PPFIA2: variants seen among roughly 807,000 people sequenced by gnomAD.
PPFIA2 encodes PPFI scaffold protein A2.
Under a neutral mutation model 175.5 loss-of-function variants are expected in PPFIA2, and 46 were observed. That is an observed-to-expected ratio of 0.26 (90% CI 0.21 to 0.34). The LOEUF is 0.34. Ranked by LOEUF, PPFIA2 falls within the 10% of genes least tolerant of loss-of-function variation. The pLI, the probability that PPFIA2 is intolerant of heterozygous loss-of-function variation, is 1.00. For missense variants in PPFIA2, 1,179 were observed against 1,506.1 expected (o/e 0.78, Z 3.60); for synonymous variants, 568 against 511.4 (o/e 1.11, Z -1.49).
chr12:81,445,223 G>GGGGAGA, intron 6 of PPFIA2, among the ~76,000 whole-genome samples: 1 of 62,774 alleles, frequency 1.6e-5, no homozygotes, highest in African/African-American at 8.1e-5. Flanking sequence ...GGGGGAGGGG[G>GGGGAGA]GAGAGAGAGA....
At chr12:81,404,894 T>A (rs1391395727) in intron 8 of PPFIA2, among the ~76,000 whole-genome samples, 1 of 152,222 alleles carries the variant, frequency 6.6e-6, no homozygotes, top group African/African-American at 2.4e-5. Flanking sequence ...TTTTAGAAAC[T>A]CTTGACATTT....
chr12:81,631,419 A>T (rs938950993), intron 4 of PPFIA2, among the ~76,000 whole-genome samples: 1 of 152,068 alleles, frequency 6.6e-6, no homozygotes, highest in African/African-American at 2.4e-5. Flanking sequence ...GTGAAAATTA[A>T]TTTTTTTGAG....
intron 3 of PPFIA2, among the ~76,000 whole-genome samples, chr12:81,679,371 A>T (rs1347915335): frequency 6.6e-6 from 1 of 151,906 alleles, no homozygotes; most frequent in Non-Finnish European, 1.5e-5. Context: ...TAATGAAGCT[A>T]TCAGAGGGAT....
intron 3 of PPFIA2, among the ~76,000 whole-genome samples, chr12:81,743,876 C>T (rs1226725332): frequency 6.6e-6 from 1 of 152,018 alleles, no homozygotes; most frequent in African/African-American, 2.4e-5. Flanking sequence ...CAACTCTATG[C>T]CATAAGCATA....
chr12:81,477,435 T>G (rs2146528140), intron 4 of PPFIA2, among the ~76,000 whole-genome samples: 1 of 152,244 alleles, frequency 6.6e-6, no homozygotes, highest in Admixed American at 6.5e-5. Context: ...CATTGAATAT[T>G]TTGAAAGTGA....
chr12:81,312,338 A>G, intron 22 of PPFIA2: 1 of 640,784 alleles, frequency 1.6e-6, no homozygotes, highest in South Asian at 2.0e-5. Context: ...CATGACACAC[A>G]TACTCACTGC....
chr12:81,656,080 T>G (rs761468679), intron 4 of PPFIA2, among the ~76,000 whole-genome samples: 6 of 152,076 alleles, frequency 3.9e-5, no homozygotes, highest in Non-Finnish European at 7.4e-5. Flanking sequence ...GCTTTTTAGT[T>G]AGTATTTTAT....
intron 4 of PPFIA2, among the ~76,000 whole-genome samples, chr12:81,551,791 C>G (rs946105754): frequency 6.6e-6 from 1 of 151,762 alleles, no homozygotes; most frequent in South Asian, 2.1e-4. Flanking sequence ...ATTTATGTAT[C>G]CTTTTACGAC....
intron 23 of PPFIA2, chr12:81,298,023 A>G (rs1353514630): frequency 6.6e-6 from 1 of 152,194 alleles, no homozygotes; most frequent in African/African-American, 2.4e-5. Flanking sequence ...CTATCACCTT[A>G]ATGTCAGTAA....
At position 81,610,414 on chromosome 12, in the gene PPFIA2, A is replaced by G. The variant is rs568998144; in HGVS notation, c.303+66377T>C. On this transcript the variant is annotated intron_variant, in intron 4 of 32. Coordinates refer to ENST00000549396, the MANE Select transcript of PPFIA2 (RefSeq NM_003625.5). ...ATTTATTCTCTTTACATAATCCCAT[A>G]TTTCATAGAGGTTTTGTTCATTTTT... Among the ~76,000 whole-genome samples, 16 of 152,186 alleles carry G rather than the reference A, an allele frequency of 1.1e-4. No homozygotes were observed. The South Asian group carries it at 3.3e-3, about 32-fold the overall frequency.
chr12:81,531,592 C>A (rs146037811), intron 4 of PPFIA2, among the ~76,000 whole-genome samples: 1 of 151,018 alleles, frequency 6.6e-6, no homozygotes, highest in Admixed American at 6.6e-5. Flanking sequence ...TAATTAATAA[C>A]GAATAAGTGA....
intron 7 of PPFIA2, among the ~76,000 whole-genome samples, chr12:81,409,546 C>T (rs763072895): frequency 6.6e-6 from 1 of 152,080 alleles, no homozygotes; most frequent in Non-Finnish European, 1.5e-5. Context: ...CCTTCCATCC[C>T]TCTACTATGG....
chr12:81,719,967 CATTCT>C (rs1435795213), intron 3 of PPFIA2, among the ~76,000 whole-genome samples: 1 of 151,114 alleles, frequency 6.6e-6, no homozygotes, highest in Non-Finnish European at 1.5e-5. Flanking sequence ...AAATTATATC[CATTCT>C]ATCTGTATTT....
rs201948532 is a variant in PPFIA2 at position 81,574,036 on chromosome 12, AC to A, written c.303+102754del. ...AGATCTGAGATCATAATTTTGGCTT[AC>A]AACTAGACAGATGGTACTCAATTAC... On this transcript the variant is annotated intron_variant, in intron 4 of 32. Coordinates refer to ENST00000549396, the MANE Select transcript of PPFIA2 (RefSeq NM_003625.5). 3.9e-4 allele frequency among the ~76,000 whole-genome samples: 60 copies of A among 152,082 alleles called. No homozygotes were observed. In the East Asian group the frequency reaches 0.01, roughly 26 times the overall value.
chr12:81,384,232 C>A lies in PPFIA2; in HGVS notation c.775G>T (p.Gly259Cys). The A allele has an allele frequency of 1.3e-6, 2 of 1,574,804 alleles. No individual in the cohort carries two copies. The highest frequency in any genetic ancestry group is 1.7e-6 in the Non-Finnish European group (2 of 1,156,200). ...QKVHEKRLSN[G>C]SIDSTDETSQ... Reference sequence around the variant, plus strand: ...GTTTCATCGGTTGAGTCTATAGAACCATTGGACAAACGCTGCAGAAATAGA... The same window carrying A: ...GTTTCATCGGTTGAGTCTATAGAACAATTGGACAAACGCTGCAGAAATAGA... The change falls in exon 9 of 33, where the codon GGT becomes TGT. Residue 259 changes from glycine (G) to cysteine (C), a missense_variant. Transcript: ENST00000549396.
chr12:81,364,593 C>T (rs1474036888), intron 14 of PPFIA2, among the ~76,000 whole-genome samples: 1 of 151,712 alleles, frequency 6.6e-6, no homozygotes, highest in Non-Finnish European at 1.5e-5. Flanking sequence ...TGGGGTCTTG[C>T]TATGTTTCCT....
chr12:81,697,899 T>C (rs1478986113), intron 3 of PPFIA2, among the ~76,000 whole-genome samples: 1 of 152,144 alleles, frequency 6.6e-6, no homozygotes, highest in Non-Finnish European at 1.5e-5. Flanking sequence ...CCAACATTAA[T>C]TTTTAAGAAA....
intron 27 of PPFIA2, among the ~76,000 whole-genome samples, chr12:81,279,464 C>G (rs908805831): frequency 1.3e-5 from 2 of 152,004 alleles, no homozygotes; most frequent in African/African-American, 4.8e-5. Flanking sequence ...TGGTCAGTTT[C>G]TGCCAAGTTT....
At chr12:81,615,125 T>C (rs1185021581) in intron 4 of PPFIA2, among the ~76,000 whole-genome samples, 2 of 152,190 alleles carry the variant, frequency 1.3e-5, no homozygotes, top group African/African-American at 4.8e-5. Flanking sequence ...TTGTTCAGAT[T>C]TTTCTGAGGG....
Sources: allele counts gnomAD v4.1 joint callset (sites outside exome capture counted in the v4.1 genomes callset), GRCh38; gene constraint gnomAD v4.1.1; transcripts MANE v1.5; gene names NCBI Gene and HGNC (gene_info 2026-07-23, HGNC 2026-07-21).